The following GOLM2 variants were observed in gnomAD, a reference collection of about 807,000 sequenced individuals.
GOLM2 encodes the protein golgi membrane protein 2.
A neutral mutation model predicts 55.9 loss-of-function variants in GOLM2; 26 were observed. The ratio of observed to expected loss-of-function variants is 0.47; its 90% confidence interval spans 0.34 to 0.65. GOLM2 has a LOEUF of 0.65. Among genes scored for constraint, GOLM2 ranks in the 30% least tolerant of loss-of-function variants. The pLI is 0.01. For missense variants in GOLM2, 486 were observed against 531.8 expected, an observed-to-expected ratio of 0.91 and a Z score of 0.85; for synonymous variants, 165 against 194.6, an observed-to-expected ratio of 0.85 and a Z score of 1.27.
chr15:44,310,502 C>CCCACACACA (rs1273355935), intron 1 of GOLM2, among the ~76,000 whole-genome samples: 1 of 124,692 alleles, frequency 8.0e-6, no homozygotes, highest in African/African-American at 3.0e-5. Context: ...ACACACACAC[C>CCCACACACA]CACACACACA....
At chr15:44,364,032 G>C (rs1475852130) in intron 6 of GOLM2, among the ~76,000 whole-genome samples, 1 of 151,718 alleles carries the variant, frequency 6.6e-6, no homozygotes, top group Non-Finnish European at 1.5e-5. Context: ...ATCACACTCT[G>C]GGGACTGTTG....
Position 44,288,839 on chromosome 15 carries a change from A to G in GOLM2, c.-191A>G, listed in dbSNP as rs1287156475. 8.4e-6 allele frequency: 5 copies of G among 592,114 alleles called. No individual in the cohort carries two copies. The East Asian group carries it at 1.5e-4, about 17-fold the overall frequency. The allele number at this position is 592,114 out of a possible 1,614,324, so 36.7% of individuals were successfully genotyped here. On this transcript the variant is annotated 5_prime_UTR_variant, in exon 1 of 10. Transcript: ENST00000299957. The stretch of plus-strand genomic sequence containing the variant: ...CCGGAACGCGTTTTGGCCTGATTTG[A>G]GGAGGGGGGCGGGGAGGGACCTGCG...
intron 8 of GOLM2, among the ~76,000 whole-genome samples, chr15:44,385,849 G>C (rs2079440755): frequency 6.6e-6 from 1 of 152,136 alleles, no homozygotes; most frequent in Admixed American, 6.5e-5. Context: ...ATGAGCCACT[G>C]GGCCTGGCCC....
intron 6 of GOLM2, among the ~76,000 whole-genome samples, chr15:44,346,928 G>A (rs960296264): frequency 2.6e-5 from 4 of 152,074 alleles, no homozygotes; most frequent in African/African-American, 7.2e-5. Flanking sequence ...CCAGGAGTTC[G>A]AGGCTTGGGC....
At chr15:44,351,597 A>AAC in intron 6 of GOLM2, among the ~76,000 whole-genome samples, 1 of 149,092 alleles carries the variant, frequency 6.7e-6, no homozygotes, top group Non-Finnish European at 1.5e-5. Context: ...AAAAAAAAAA[A>AAC]ACACAGACAA....
At chr15:44,411,954 C>T (rs2079641431) in intron 9 of GOLM2, among the ~76,000 whole-genome samples, 3 of 152,128 alleles carry the variant, frequency 2.0e-5, no homozygotes, top group African/African-American at 7.2e-5. Context: ...ATCACTTGAG[C>T]CCAGGAGTTC....
chr15:44,325,066 C>T (rs572304232), intron 2 of GOLM2, among the ~76,000 whole-genome samples: 1 of 152,212 alleles, frequency 6.6e-6, no homozygotes, highest in African/African-American at 2.4e-5. Flanking sequence ...GCAGGATGTG[C>T]AGGTTTGTTA....
chr15:44,378,557 C>T (rs1427621307), intron 6 of GOLM2, among the ~76,000 whole-genome samples: 1 of 149,460 alleles, frequency 6.7e-6, no homozygotes, highest in African/African-American at 2.5e-5. Context: ...TGGGGTTTCA[C>T]CTTGTTGGCC....
At position 44,304,230 on chromosome 15, in the gene GOLM2, C is replaced by CTTTTTTTTTTTTTTTT. The variant is rs895623812; in HGVS notation, c.327+14888_327+14903dup. Among the ~76,000 whole-genome samples, 8 of 82,874 alleles carry CTTTTTTTTTTTTTTTT rather than the reference C, an allele frequency of 9.7e-5. 1 individual carries two copies. The highest frequency in any genetic ancestry group is 2.0e-4 in the African/African-American group (4 of 19,970). The allele number at this position is 82,874 out of a possible 152,430, so 54.4% of individuals were successfully genotyped here. Reference sequence around the variant, plus strand: ...TCAGTCACGTCTTCAGGCTCCACTTCTTTTTTTTTTTTTTTTTTTTTTTTT... The same window carrying CTTTTTTTTTTTTTTTT: ...TCAGTCACGTCTTCAGGCTCCACTTCTTTTTTTTTTTTTTTTTTTTTTTTTTTTTTTTTTTTTTTTT... On this transcript the variant is annotated intron_variant, in intron 1 of 9. Coordinates refer to ENST00000299957, the MANE Select transcript of GOLM2 (RefSeq NM_138423.4).
chr15:44,332,185 C>A, intron 4 of GOLM2, 107 bp downstream of exon 4: 1 of 623,168 alleles, frequency 1.6e-6, no homozygotes, highest in Non-Finnish European at 2.7e-6. Flanking sequence ...TTAAGTTTTC[C>A]AGCCAGCCTA....
At chr15:44,379,515 T>C (rs1432617114) in intron 6 of GOLM2, among the ~76,000 whole-genome samples, 175 bp from the exon 7 acceptor site, 1 of 151,394 alleles carries the variant, frequency 6.6e-6, no homozygotes, top group Admixed American at 6.6e-5. Flanking sequence ...AATGGTACAG[T>C]GTATCAATTA....
chr15:44,371,535 A>G (rs2141185852), intron 6 of GOLM2, among the ~76,000 whole-genome samples: 1 of 152,366 alleles, frequency 6.6e-6, no homozygotes, highest in African/African-American at 2.4e-5. Context: ...CCAGTATTTG[A>G]GCAAATTTCA....
Position 44,322,987 on chromosome 15 carries a change from C to T in GOLM2, c.350C>T (p.Ser117Leu), listed in dbSNP as rs1567025281. ...CAGGTTAAACTACAGAACAACATATCGTATCAGATGGCAGACATACATCAT... is the reference window on the plus strand; with the variant it reads ...CAGGTTAAACTACAGAACAACATATTGTATCAGATGGCAGACATACATCAT... ...DDKVKLQNNI[S>L]YQMADIHHLK... Residue 117 changes from serine to leucine, a missense_variant, in exon 2 of 10, where the codon TCG becomes TTG. Transcript: ENST00000299957. 3 of 1,574,624 alleles carry T rather than the reference C, an allele frequency of 1.9e-6. No homozygotes were observed. The highest frequency in any genetic ancestry group is 1.4e-5 in the African/African-American group (1 of 72,850).
chr15:44,403,521 T>A (rs1219439078), intron 9 of GOLM2, among the ~76,000 whole-genome samples: 1 of 152,214 alleles, frequency 6.6e-6, no homozygotes, highest in African/African-American at 2.4e-5. Flanking sequence ...TTGAAAACTT[T>A]TATAATAGTG....
At chr15:44,362,621 G>C (rs1212879912) in intron 6 of GOLM2, among the ~76,000 whole-genome samples, 1 of 152,254 alleles carries the variant, frequency 6.6e-6, no homozygotes, top group South Asian at 2.1e-4. Context: ...TACTGCCCAA[G>C]GTAATTTATA....
chr15:44,384,460 A>T (rs1381704871), intron 8 of GOLM2, among the ~76,000 whole-genome samples: 3 of 151,912 alleles, frequency 2.0e-5, no homozygotes, highest in African/African-American at 7.3e-5. Flanking sequence ...AAAGTACAAA[A>T]ATTAGGCCGG....
chr15:44,334,713 A>AAGACTAAGG (rs2079044584), intron 4 of GOLM2, among the ~76,000 whole-genome samples: 1 of 152,198 alleles, frequency 6.6e-6, no homozygotes, highest in Non-Finnish European at 1.5e-5. Context: ...TAGCCCAGAG[A>AAGACTAAGG]AGACTAAGGA....
chr15:44,394,439 G>C (rs1202907525), intron 8 of GOLM2, among the ~76,000 whole-genome samples: 1 of 152,180 alleles, frequency 6.6e-6, no homozygotes, highest in Non-Finnish European at 1.5e-5. Context: ...TTCAGATGCT[G>C]TTTGCCATAA....
At chr15:44,334,468 A>T (rs1204930347) in intron 4 of GOLM2, among the ~76,000 whole-genome samples, 1 of 152,260 alleles carries the variant, frequency 6.6e-6, no homozygotes, top group African/African-American at 2.4e-5. Flanking sequence ...AAAAGAAGTC[A>T]GCAAACTATA....
Sources: allele counts gnomAD v4.1 joint callset (sites outside exome capture counted in the v4.1 genomes callset), GRCh38; gene constraint gnomAD v4.1.1; transcripts MANE v1.5; gene names NCBI Gene and HGNC (gene_info 2026-07-23, HGNC 2026-07-21).